CENPK: variants seen among roughly 807,000 people sequenced by gnomAD.
CENPK encodes centromere protein K, also known as SoxLZ/Sox6-binding protein Solt.
In CENPK, 46 loss-of-function variants were observed where a neutral mutation model predicts 40.9. The observed-to-expected ratio is 1.13, with a 90% CI of 0.89 to 1.44. The LOEUF (loss-of-function observed/expected upper bound fraction) is 1.44, where lower values mean the gene tolerates loss of function less well. Among genes scored for constraint, CENPK ranks in the 40% most tolerant of loss-of-function variants. CENPK has a pLI of 0.00. For synonymous variants in CENPK, 107 were observed against 104.4 expected, an observed-to-expected ratio of 1.02 and a Z score of -0.15; for missense variants, 288 against 303.5, an observed-to-expected ratio of 0.95 and a Z score of 0.38.
downstream of CENPK, among the ~76,000 whole-genome samples, chr5:65,516,797 T>C (rs1307396998): frequency 6.6e-6 from 1 of 152,162 alleles, no homozygotes; most frequent in Non-Finnish European, 1.5e-5. Flanking sequence ...TAGCAACTTT[T>C]CACTTACTAA....
intron 5 of CENPK, among the ~76,000 whole-genome samples, chr5:65,546,256 C>T (rs1007116262): frequency 5.3e-5 from 8 of 152,236 alleles, no homozygotes; most frequent in African/African-American, 1.9e-4. Flanking sequence ...TCCACCAGCC[C>T]TGGCCTCCCA....
chr5:65,517,634 CTAA>C (rs1216727406), downstream of CENPK: 1 of 152,054 alleles, frequency 6.6e-6, no homozygotes, highest in Non-Finnish European at 1.5e-5. Context: ...TCTTAGAAAA[CTAA>C]TGATACTAAA....
chr5:65,539,342 A>T (rs575202442), intron 6 of CENPK, among the ~76,000 whole-genome samples: 2 of 152,232 alleles, frequency 1.3e-5, no homozygotes, highest in Non-Finnish European at 2.9e-5. Context: ...AGTACAATAG[A>T]TTTTGAAGCA....
intron 3 of CENPK, among the ~76,000 whole-genome samples, chr5:65,554,234 T>C (rs903752752): frequency 7.9e-5 from 12 of 151,948 alleles, no homozygotes; most frequent in Non-Finnish European, 8.8e-5. Flanking sequence ...ATCCGCCTCC[T>C]GGGTTCAAGC....
intron 5 of CENPK, among the ~76,000 whole-genome samples, chr5:65,546,871 C>T (rs1035616766): frequency 6.6e-6 from 1 of 152,118 alleles, no homozygotes; most frequent in Non-Finnish European, 1.5e-5. Context: ...GTTTAAGCCA[C>T]CTAGTCCATA....
intron 6 of CENPK, among the ~76,000 whole-genome samples, chr5:65,539,132 T>G (rs1747489771): frequency 6.6e-6 from 1 of 152,210 alleles, no homozygotes; most frequent in South Asian, 2.1e-4. Flanking sequence ...TATTGACATT[T>G]AAGTTTTGAG....
At chr5:65,503,126 T>C in the CENPK span, among the ~76,000 whole-genome samples, 1 of 150,712 alleles carries the variant, frequency 6.6e-6, no homozygotes, top group East Asian at 1.9e-4. Flanking sequence ...TTTTTTTTTT[T>C]TTGAGACAGA....
intron 6 of CENPK, among the ~76,000 whole-genome samples, chr5:65,537,600 G>A (rs560408595): frequency 3.3e-5 from 5 of 152,114 alleles, no homozygotes; most frequent in Admixed American, 6.6e-5. Flanking sequence ...ACGCCCGGCC[G>A]GTGAATAAAC....
the CENPK span, among the ~76,000 whole-genome samples, chr5:65,496,342 C>G: frequency 6.6e-6 from 1 of 152,080 alleles, no homozygotes; most frequent in South Asian, 2.1e-4. Context: ...GATCACGGTG[C>G]TATTTCTAAG....
At chr5:65,548,273 G>C (rs1000529670) in intron 5 of CENPK, among the ~76,000 whole-genome samples, 9 of 152,082 alleles carry the variant, frequency 5.9e-5, no homozygotes, top group African/African-American at 1.9e-4. Flanking sequence ...ATTAAATTAT[G>C]TATTAGCATT....
downstream of CENPK, among the ~76,000 whole-genome samples, chr5:65,516,977 T>C (rs1043183341): frequency 2.0e-5 from 3 of 151,920 alleles, no homozygotes; most frequent in African/African-American, 7.3e-5. Flanking sequence ...GGAGTTTTGC[T>C]CGTCACCCAG....
chr5:65,535,176 G>A (rs984261971), intron 6 of CENPK, among the ~76,000 whole-genome samples: 3 of 150,760 alleles, frequency 2.0e-5, no homozygotes, highest in Non-Finnish European at 3.0e-5. Flanking sequence ...AGGTTACAAC[G>A]AACTGAGATG....
intron 6 of CENPK, among the ~76,000 whole-genome samples, chr5:65,537,665 G>A (rs1326861931): frequency 6.6e-6 from 1 of 152,140 alleles, no homozygotes; most frequent in South Asian, 2.1e-4. Context: ...GAAGAAAACA[G>A]ACTAAGACAG....
chr5:65,502,308 C>T, the CENPK span, among the ~76,000 whole-genome samples: 4 of 152,258 alleles, frequency 2.6e-5, no homozygotes, highest in African/African-American at 4.8e-5. Flanking sequence ...CAGTCTGGTA[C>T]GTATAAGGCA....
chr5:65,502,800 A>C, the CENPK span, among the ~76,000 whole-genome samples: 5 of 150,622 alleles, frequency 3.3e-5, no homozygotes, highest in African/African-American at 1.2e-4. Flanking sequence ...TTTAAATTTT[A>C]TTTATTTATT....
At chr5:65,546,145 G>A (rs965167322) in intron 5 of CENPK, among the ~76,000 whole-genome samples, 10 of 152,268 alleles carry the variant, frequency 6.6e-5, no homozygotes, top group East Asian at 5.8e-4. Context: ...ATGAAAACCC[G>A]AAGTAAATCT....
chr5:65,531,103 G>C (rs1745710056), intron 6 of CENPK, among the ~76,000 whole-genome samples: 1 of 152,150 alleles, frequency 6.6e-6, no homozygotes, highest in Non-Finnish European at 1.5e-5. Context: ...GCTGCAGTGA[G>C]CTATGATATC....
intron 6 of CENPK, among the ~76,000 whole-genome samples, chr5:65,534,174 G>A (rs1746455167): frequency 6.6e-6 from 1 of 151,888 alleles, no homozygotes; most frequent in Admixed American, 6.6e-5. Context: ...CCTGTATGCT[G>A]AAAACTACAA....
downstream of CENPK, among the ~76,000 whole-genome samples, chr5:65,513,496 T>C (rs367801348): frequency 6.6e-6 from 1 of 152,338 alleles, no homozygotes; most frequent in Non-Finnish European, 1.5e-5. Flanking sequence ...GTTTTCCATA[T>C]AGATCTTGTA....
Sources: gnomAD v4.1 joint callset for allele counts (sites outside exome capture counted in the v4.1 genomes callset) on GRCh38, gnomAD v4.1.1 for gene constraint, MANE v1.5 for transcripts, NCBI Gene and HGNC (gene_info 2026-07-23, HGNC 2026-07-21) for gene names.